Variants in FHL2 observed in about 807,000 individuals in gnomAD.
FHL2 encodes four and a half LIM domains 2, also known as four and a half LIM domains protein 2.
A neutral mutation model predicts 32.7 loss-of-function variants in FHL2; 20 were observed. The observed-to-expected ratio is 0.61, with a 90% CI of 0.43 to 0.89. FHL2 has a LOEUF of 0.89. Among genes scored for constraint, FHL2 ranks in the 40% least tolerant of loss-of-function variants. The probability of loss-of-function intolerance (pLI) is 0.00; values close to 1 mark genes in which losing one functional copy is unlikely to be tolerated. For missense variants in FHL2, 311 were observed against 358.6 expected, an observed-to-expected ratio of 0.87 and a Z score of 1.07; for synonymous variants, 123 against 128.1, an observed-to-expected ratio of 0.96 and a Z score of 0.27.
At chr2:105,371,829 ATTGTT>A (rs1681099192) in intron 4 of FHL2, among the ~76,000 whole-genome samples, 1 of 152,072 alleles carries the variant, frequency 6.6e-6, no homozygotes. Context: ...CGTGGTTCTT[ATTGTT>A]ACTGAGTGTT....
intron 2 of FHL2, among the ~76,000 whole-genome samples, chr2:105,394,445 T>C (rs1395317270): frequency 6.6e-6 from 1 of 151,882 alleles, no homozygotes; most frequent in Non-Finnish European, 1.5e-5. Context: ...TGGTGATGTG[T>C]GCCTACAGTC....
intron 2 of FHL2, among the ~76,000 whole-genome samples, chr2:105,395,217 C>CCA (rs1558713293): frequency 6.6e-6 from 1 of 152,228 alleles, no homozygotes; most frequent in African/African-American, 2.4e-5. Context: ...TCAATTGCAG[C>CCA]CATGCAGGAC....
At chr2:105,438,094 A>G (rs187695540) in intron 1 of FHL2, among the ~76,000 whole-genome samples, 6 of 152,304 alleles carry the variant, frequency 3.9e-5, no homozygotes, top group Admixed American at 3.3e-4. Flanking sequence ...AAGGGGGCAG[A>G]GGTTCAATTT....
chr2:105,427,887 C>T (rs1684311629), intron 1 of FHL2, among the ~76,000 whole-genome samples: 1 of 152,066 alleles, frequency 6.6e-6, no homozygotes, highest in South Asian at 2.1e-4. Context: ...CTCAAAAGTG[C>T]CTCAGTTTGG....
intron 1 of FHL2, among the ~76,000 whole-genome samples, chr2:105,428,330 G>A (rs1684324298): frequency 6.6e-6 from 1 of 152,192 alleles, no homozygotes; most frequent in South Asian, 2.1e-4. Context: ...GCTGAGCTGT[G>A]AACACCCCAT....
chr2:105,398,983 G>C lies in FHL2; in HGVS notation c.-217C>G, dbSNP rs1179116273. On this transcript the variant is annotated 5_prime_UTR_variant, in exon 1 of 7. Transcript: ENST00000530340. ...GGAGGTACTCACGGCACCGCAGCGG[G>C]CCGGGGACTCCCGGACGGGGCTGGA... 7 of 1,514,118 alleles carry C rather than the reference G, an allele frequency of 4.6e-6. No homozygotes were observed. The highest frequency in any genetic ancestry group is 5.3e-6 in the Non-Finnish European group (6 of 1,135,198). 93.8% of individuals were successfully genotyped at this position (1,514,118 alleles called of 1,614,324 possible). A position where few individuals can be genotyped will look rare whatever the true frequency, so the allele number is the denominator to read the frequency against.
upstream of FHL2, among the ~76,000 whole-genome samples, chr2:105,402,882 A>T (rs77670748): frequency 4.1e-3 from 618 of 152,380 alleles, 4 homozygotes; most frequent in African/African-American, 0.014. Flanking sequence ...GTGACAGATC[A>T]CAGAATTGTT....
At chr2:105,388,853 A>G (rs913548661) in intron 2 of FHL2, among the ~76,000 whole-genome samples, 4 of 151,858 alleles carry the variant, frequency 2.6e-5, no homozygotes, top group African/African-American at 7.3e-5. Flanking sequence ...AAATAGGTAC[A>G]CTGGTTGGCT....
chr2:105,396,637 C>T lies in FHL2; in HGVS notation c.-25+10G>A, dbSNP rs556235343. The T allele has an allele frequency of 1.0e-4, 169 of 1,611,640 alleles. 2 individuals are homozygous for T. The highest frequency in any genetic ancestry group is 7.8e-4 in the South Asian group (71 of 91,000). On this transcript the variant is annotated intron_variant, in intron 2 of 6. Coordinates refer to ENST00000530340, the MANE Select transcript of FHL2 (RefSeq NM_001318895.3). Reference sequence around the variant, plus strand: ...AATTTAGGATAACAGAGGAAATTCACTTGACTCACCCCAAAGTCAAAATGC... The same window carrying T: ...AATTTAGGATAACAGAGGAAATTCATTTGACTCACCCCAAAGTCAAAATGC...
At chr2:105,359,690 A>G (rs779434468), downstream of FHL2, 1 of 152,194 alleles carries the variant, frequency 6.6e-6, no homozygotes, top group Non-Finnish European at 1.5e-5. Context: ...GTAGCTCAGA[A>G]TGTTATTTTT....
chr2:105,423,687 A>G (rs1684173505), intron 1 of FHL2, among the ~76,000 whole-genome samples: 1 of 152,234 alleles, frequency 6.6e-6, no homozygotes, highest in African/African-American at 2.4e-5. Context: ...TATATAGACC[A>G]GTGGAACATA....
rs369743229 is a variant in FHL2, at chr2:105,368,546, G to A, written c.332-807C>T. On this transcript the variant is annotated intron_variant, in intron 4 of 6. Coordinates refer to ENST00000530340, the MANE Select transcript of FHL2 (RefSeq NM_001318895.3). ...CCATTTAGTAATTGCCTAAACCTACGCCATCCATTGTCTTTTGAATAACTA... is the reference window on the plus strand; with the variant it reads ...CCATTTAGTAATTGCCTAAACCTACACCATCCATTGTCTTTTGAATAACTA... Among the ~76,000 whole-genome samples, 6 of 151,990 alleles carry A rather than the reference G, an allele frequency of 3.9e-5. No individual in the cohort carries two copies. The East Asian group carries it at 7.7e-4, about 20-fold the overall frequency.
intron 3 of FHL2, among the ~76,000 whole-genome samples, chr2:105,377,566 G>A (rs544111275): frequency 1.3e-5 from 2 of 152,170 alleles, no homozygotes; most frequent in Non-Finnish European, 2.9e-5. Context: ...GAGGTGGAGG[G>A]TGGAGGTTGC....
intron 1 of FHL2, among the ~76,000 whole-genome samples, chr2:105,417,983 A>G (rs1226295991): frequency 1.3e-5 from 2 of 152,132 alleles, no homozygotes; most frequent in Non-Finnish European, 2.9e-5. Context: ...AATAGTATCA[A>G]AAAAATAGCT....
intron 2 of FHL2, among the ~76,000 whole-genome samples, chr2:105,390,502 C>T (rs967826537): frequency 1.3e-5 from 2 of 152,198 alleles, no homozygotes; most frequent in Non-Finnish European, 2.9e-5. Context: ...CCCTCTTCTA[C>T]CTTGTTCCTC....
chr2:105,427,308 T>A (rs1285180809), intron 1 of FHL2, among the ~76,000 whole-genome samples: 6 of 152,226 alleles, frequency 3.9e-5, no homozygotes. Flanking sequence ...TTTCCTGCTC[T>A]AGTCAATTTC....
chr2:105,429,531 C>T (rs138082551), intron 1 of FHL2, among the ~76,000 whole-genome samples: 45 of 152,248 alleles, frequency 3.0e-4, no homozygotes, highest in South Asian at 8.3e-4. Flanking sequence ...AGCCAAGGAA[C>T]GTAGGTAGCT....
intron 2 of FHL2, among the ~76,000 whole-genome samples, chr2:105,393,718 A>G (rs528521687): frequency 1.3e-5 from 2 of 152,364 alleles, no homozygotes; most frequent in African/African-American, 4.8e-5. Context: ...AGCATGAAAA[A>G]TTAGAAACAT....
At chr2:105,381,039 C>T (rs10178109) in intron 3 of FHL2, among the ~76,000 whole-genome samples, 71,507 of 151,730 alleles carry the variant, frequency 0.47, 17,931 homozygotes, top group African/African-American at 0.64. Context: ...AGCCCTGGAC[C>T]CCTCAGTTAA....
Sources: gnomAD v4.1 joint callset for allele counts (sites outside exome capture counted in the v4.1 genomes callset) on GRCh38, gnomAD v4.1.1 for gene constraint, MANE v1.5 for transcripts, NCBI Gene and HGNC (gene_info 2026-07-23, HGNC 2026-07-21) for gene names.